Variants in VGLL3 observed in about 807,000 individuals in gnomAD.
VGLL3 encodes transcription cofactor vestigial-like protein 3.
In VGLL3, 18 loss-of-function variants were observed where a neutral mutation model predicts 29.2. The ratio of observed to expected loss-of-function variants is 0.62; its 90% CI spans 0.43 to 0.91. The LOEUF is 0.91. Among genes scored for constraint, VGLL3 ranks in the 40% least tolerant of loss-of-function variants. VGLL3 has a pLI of 0.00. For synonymous variants in VGLL3, 180 were observed against 151.8 expected (o/e 1.19, Z -1.36); for missense variants, 440 against 413.2 (o/e 1.06, Z -0.56).
At chr3:86,977,608 G>A (rs1346010562) in intron 2 of VGLL3, among the ~76,000 whole-genome samples, 1 of 152,206 alleles carries the variant, frequency 6.6e-6, no homozygotes, top group Non-Finnish European at 1.5e-5. Flanking sequence ...TGGGAGGGCT[G>A]GTTAAAACAC....
Position 86,968,601 on chromosome 3 carries a change from C to G in VGLL3, c.926G>C (p.Gly309Ala). 2 of 1,612,802 alleles carry G rather than the reference C, an allele frequency of 1.2e-6. No homozygotes were observed. The highest frequency in any genetic ancestry group is 8.5e-7 in the Non-Finnish European group (1 of 1,179,254). Residue 309 changes from glycine to alanine, a missense_variant, in exon 3 of 4, where the codon GGA becomes GCA. Transcript: ENST00000398399. Reference sequence around the variant, plus strand: ...ATCCAGCAGCTTACCTGTATCGAATCCCACGCTGGGCACTATGTCTACTGT... The same window carrying G: ...ATCCAGCAGCTTACCTGTATCGAATGCCACGCTGGGCACTATGTCTACTGT... The part of the protein sequence containing the change: ...HGTVDIVPSV[G>A]FDTGLQHQDK...
chr3:86,969,163 C>T lies in VGLL3; in HGVS notation c.404-40G>A, dbSNP rs759501613. The T allele has an allele frequency of 5.6e-5, 85 of 1,524,210 alleles. No individual in the cohort carries two copies. The South Asian group carries it at 1.1e-3, about 19-fold the overall frequency. 94.4% of individuals were successfully genotyped at this position (1,524,210 alleles called of 1,614,324 possible). A position where few individuals can be genotyped will look rare whatever the true frequency, so the allele number is the denominator to read the frequency against. On this transcript the variant is annotated intron_variant, in intron 2 of 3. Transcript: ENST00000398399. ...AATAAAAAACATTATTAACATAAGA[C>T]TCAGTTTTGGGATAGACTTGCCTCT...
chr3:86,978,716 C>T lies in VGLL3; in HGVS notation c.213G>A (p.Glu71=). Residue 71 remains glutamate (E), a synonymous_variant, in exon 2 of 4, where the codon GAG becomes GAA. Transcript: ENST00000398399. ...CGGCAGGCTGGTCTTTCTCCTCCTC[C>T]TCCTCCTCCTCATCCTCCTCCTCTT... ...SKQEEEDEEE[E]EEEKDQPAEM... The T allele has an allele frequency of 6.2e-7, 1 of 1,614,044 alleles. No homozygotes were observed.
Position 86,939,301 on chromosome 3 carries a change from T to C in VGLL3, c.*7723A>G, listed in dbSNP as rs1704342968. 1 of 152,174 alleles carries C rather than the reference T, an allele frequency of 6.6e-6. No homozygotes were observed. The highest frequency in any genetic ancestry group is 1.5e-5 in the Non-Finnish European group (1 of 68,040). 9.4% of individuals were successfully genotyped at this position (152,174 alleles called of 1,614,324 possible). A position where few individuals can be genotyped will look rare whatever the true frequency, so the allele number is the denominator to read the frequency against. ...TCCCCAGAACCATTGAATATGTTAC[T>C]GTACATGGAAAAAGGGCCTTTAAAG... On this transcript the variant is annotated 3_prime_UTR_variant, in exon 4 of 4. Transcript: ENST00000398399.
rs1013318085 is a variant in VGLL3 at position 86,941,956 on chromosome 3, G to A, written c.*5068C>T. The A allele has an allele frequency of 3.9e-5, 6 of 152,000 alleles. No individual in the cohort carries two copies. The highest frequency in any genetic ancestry group is 1.4e-4 in the African/African-American group (6 of 41,386). 9.4% of individuals were successfully genotyped at this position (152,000 alleles called of 1,614,324 possible). A position where few individuals can be genotyped will look rare whatever the true frequency, so the allele number is the denominator to read the frequency against. On this transcript the variant is annotated 3_prime_UTR_variant, in exon 4 of 4. Transcript: ENST00000398399. ...GCCAGAGCCATTCACTTTTTTATAG[G>A]TTATATGTTTGTTTTCAACATTCGT...
At chr3:86,989,291 T>C (rs1705529026) in intron 1 of VGLL3, among the ~76,000 whole-genome samples, 1 of 152,230 alleles carries the variant, frequency 6.6e-6, no homozygotes, top group African/African-American at 2.4e-5. Context: ...AGAGATGCTT[T>C]GAAATGCTGG....
At chr3:86,970,869 A>G (rs1377254751) in intron 2 of VGLL3, among the ~76,000 whole-genome samples, 1 of 152,176 alleles carries the variant, frequency 6.6e-6, no homozygotes, top group Non-Finnish European at 1.5e-5. Flanking sequence ...GGACCCATTG[A>G]TCTTTCCATG....
chr3:86,947,049 T>C lies in VGLL3; in HGVS notation c.956A>G (p.Lys319Arg). ...GFDTGLQHQD[K>R]SKESPWY ...TCAGTACCACGGTGATTCCTTACTCTTGTCTTGATGCTGTAGACCTGGAAC... is the reference window on the plus strand; with the variant it reads ...TCAGTACCACGGTGATTCCTTACTCCTGTCTTGATGCTGTAGACCTGGAAC... Residue 319 changes from lysine to arginine, a missense_variant, in exon 4 of 4, where the codon AAG becomes AGG. Transcript: ENST00000398399. The C allele has an allele frequency of 1.3e-6, 1 of 780,730 alleles. No individual in the cohort carries two copies. Among genetic ancestry groups the C allele is most frequent in the Non-Finnish European group, 2.4e-6 (1 of 417,904 alleles). The allele number at this position is 780,730 out of a possible 1,614,324, so 48.4% of individuals were successfully genotyped here.
chr3:86,958,006 C>G (rs1376548740), intron 3 of VGLL3, among the ~76,000 whole-genome samples: 1 of 152,082 alleles, frequency 6.6e-6, no homozygotes, highest in Non-Finnish European at 1.5e-5. Flanking sequence ...TATGTACGTG[C>G]ACATACGATA....
At chr3:86,986,716 A>G (rs1705450182) in intron 1 of VGLL3, among the ~76,000 whole-genome samples, 1 of 152,194 alleles carries the variant, frequency 6.6e-6, no homozygotes, top group African/African-American at 2.4e-5. Context: ...TTATGTTGGA[A>G]TAGCAATAAT....
chr3:86,990,941 A>T lies in VGLL3; in HGVS notation c.-198T>A. 1 of 1,080,412 alleles carries T rather than the reference A, an allele frequency of 9.3e-7. No individual in the cohort carries two copies. Among genetic ancestry groups the T allele is most frequent in the Non-Finnish European group, 1.1e-6 (1 of 890,748 alleles). The allele number at this position is 1,080,412 out of a possible 1,614,324, so 66.9% of individuals were successfully genotyped here. On this transcript the variant is annotated 5_prime_UTR_variant, in exon 1 of 4. An upstream start codon of the reference 5' UTR is lost. Transcript: ENST00000398399. ...AGGGACTGGCAATCAGCGGGGGCCC[A>T]TGCGCGGGCACCTTCATCTTCAGCC...
chr3:86,982,497 A>G (rs1705347995), intron 1 of VGLL3, among the ~76,000 whole-genome samples: 2 of 150,878 alleles, frequency 1.3e-5, no homozygotes, highest in Non-Finnish European at 2.9e-5. Flanking sequence ...CACTTCTGCC[A>G]CATTCTGTAT....
At chr3:86,979,190 T>G (rs1218863254) in intron 1 of VGLL3, among the ~76,000 whole-genome samples, 1 of 152,236 alleles carries the variant, frequency 6.6e-6, no homozygotes, top group Non-Finnish European at 1.5e-5. Context: ...AAAAATGCAA[T>G]GTACAGCAGT....
intron 1 of VGLL3, among the ~76,000 whole-genome samples, chr3:86,987,554 A>G (rs1705475586): frequency 6.6e-6 from 1 of 152,196 alleles, no homozygotes; most frequent in Non-Finnish European, 1.5e-5. Context: ...AGACTGAGTC[A>G]AGGGTTCTCC....
At chr3:86,977,041 G>A (rs558632787) in intron 2 of VGLL3, among the ~76,000 whole-genome samples, 18 of 152,270 alleles carry the variant, frequency 1.2e-4, no homozygotes, top group African/African-American at 3.9e-4. Context: ...CTAAGTCTCA[G>A]TTCTCATAGT....
chr3:86,966,290 C>T (rs1704958389), intron 3 of VGLL3, among the ~76,000 whole-genome samples: 1 of 152,114 alleles, frequency 6.6e-6, no homozygotes, highest in South Asian at 2.1e-4. Flanking sequence ...TTCCCCAGAA[C>T]TGCATGTTCC....
At chr3:86,962,574 T>G (rs972185540) in intron 3 of VGLL3, 2 of 967,230 alleles carry the variant, frequency 2.1e-6, no homozygotes, top group African/African-American at 3.5e-5. Context: ...AAATTTAAAT[T>G]TAAATATTTT....
chr3:86,956,540 ACTT>A, intron 3 of VGLL3, among the ~76,000 whole-genome samples: 1 of 152,166 alleles, frequency 6.6e-6, no homozygotes, highest in Non-Finnish European at 1.5e-5. Flanking sequence ...TAATCCCAGC[ACTT>A]TTGGAGGCCG....
intron 1 of VGLL3, 141 bp from the exon 2 acceptor site, chr3:86,978,943 ATC>A: frequency 2.1e-6 from 2 of 948,634 alleles, no homozygotes; most frequent in Non-Finnish European, 2.9e-6. Context: ...GTTTTACTCC[ATC>A]TTTTTCCTCC....
Sources: allele counts gnomAD v4.1 joint callset (sites outside exome capture counted in the v4.1 genomes callset), GRCh38; gene constraint gnomAD v4.1.1; transcripts MANE v1.5; gene names NCBI Gene and HGNC (gene_info 2026-07-23, HGNC 2026-07-21).